AXIN1: variants seen among roughly 807,000 people sequenced by gnomAD.
The protein encoded by AXIN1 is axin-1.
AXIN1 carries 30 observed loss-of-function variants against 76.4 expected under a neutral mutation model. The ratio of observed to expected loss-of-function variants is 0.39; its 90% CI spans 0.29 to 0.53. The LOEUF (loss-of-function observed/expected upper bound fraction) is 0.53. AXIN1 is among the 20% of genes least tolerant of loss of function. The pLI, the probability that AXIN1 is intolerant of heterozygous loss-of-function variation, is 0.66. For synonymous variants in AXIN1, 545 were observed against 501.4 expected (o/e 1.09, Z -1.16); for missense variants, 1,140 against 1,198.8 (o/e 0.95, Z 0.72).
Position 346,184 on chromosome 16 carries a change from G to A in AXIN1, c.842C>T (p.Ser281Phe), listed in dbSNP as rs2141700356. Residue 281 changes from serine (S) to phenylalanine (F), a missense_variant, in exon 2 of 11, where the codon TCC becomes TTC. By Grantham distance (155) the Ser-to-Phe change is radical (BLOSUM62 -2). This residue lies in a region of AXIN1 where 708 missense variants were observed against 776.9 expected (regional missense o/e 0.91). Transcript: ENST00000262320. ...LLLETAAPRVSSSRRYSEGRE... is the reference protein window; with the variant it reads ...LLLETAAPRVFSSRRYSEGRE... ...GCCTTCGCTGTACCGTCTACTGGAG[G>A]AGACCCTCGGGGCAGCTGTCTCCAG... is the stretch of plus-strand genomic sequence containing the variant. 2 of 1,613,920 alleles carry A rather than the reference G, an allele frequency of 1.2e-6. No individual in the cohort carries two copies. Among genetic ancestry groups the A allele is most frequent in the South Asian group, 1.1e-5 (1 of 91,076 alleles).
At chr16:338,206 C>T (rs911024248) in intron 2 of AXIN1, among the ~76,000 whole-genome samples, 3 of 152,176 alleles carry the variant, frequency 2.0e-5, no homozygotes, top group Non-Finnish European at 2.9e-5. Flanking sequence ...GGAGCGTGTG[C>T]GTCAATTCAA....
chr16:305,402 G>A (rs539367997), intron 4 of AXIN1, among the ~76,000 whole-genome samples: 91 of 152,190 alleles, frequency 6.0e-4, no homozygotes, highest in Middle Eastern at 3.4e-3. Context: ...ATAAGTCCTG[G>A]GAGATCAAGG....
In AXIN1 at chr16:288,263, TGAG is replaced by T. The variant is rs756614150; in HGVS notation, c.2463-18_2463-16del. ...TGAAGTAGTATCTGCAGGACGGAGGTGAGGAGGGCAGTGAGCAGGCAGCACCGC... is the reference window on the plus strand; with the variant it reads ...TGAAGTAGTATCTGCAGGACGGAGGTGAGGGCAGTGAGCAGGCAGCACCGC... On this transcript the variant is annotated splice_polypyrimidine_tract_variant and intron_variant, in intron 10 of 10. Transcript: ENST00000262320. 16 of 1,612,942 alleles carry T rather than the reference TGAG, an allele frequency of 9.9e-6. No homozygotes were observed. The highest frequency in any genetic ancestry group is 4.0e-5 in the African/African-American group (3 of 74,816).
At chr16:311,036 T>A (rs990204997) in intron 3 of AXIN1, among the ~76,000 whole-genome samples, 10 of 152,136 alleles carry the variant, frequency 6.6e-5, no homozygotes, top group African/African-American at 2.4e-4. Context: ...GGTTTTCTTT[T>A]ATTTTTTTCT....
chr16:324,817 C>A (rs2053543529), intron 2 of AXIN1, among the ~76,000 whole-genome samples: 1 of 152,172 alleles, frequency 6.6e-6, no homozygotes, highest in African/African-American at 2.4e-5. Context: ...AGGCAGCTTC[C>A]GGCAGCCGCA....
At chr16:320,810 G>A (rs953172498) in intron 2 of AXIN1, among the ~76,000 whole-genome samples, 2 of 54,334 alleles carry the variant, frequency 3.7e-5, no homozygotes, top group African/African-American at 2.2e-4. Context: ...CGCGATCTCG[G>A]CTCACTACAA....
Position 297,712 on chromosome 16 carries a change from G to A in AXIN1, c.1784+10C>T, listed in dbSNP as rs369714853. 2.2e-5 allele frequency: 35 copies of A among 1,592,336 alleles called. No individual in the cohort carries two copies. The highest frequency in any genetic ancestry group is 5.6e-5 in the South Asian group (5 of 89,672). On this transcript the variant is annotated intron_variant, in intron 6 of 10. Transcript: ENST00000262320. Reference sequence around the variant, plus strand: ...CCAAGCCCCCTCCTCACTGACAGGCGCACGCTCACCTGTGGGCGAGGCCAT... The same window carrying A: ...CCAAGCCCCCTCCTCACTGACAGGCACACGCTCACCTGTGGGCGAGGCCAT...
chr16:332,951 A>G (rs1384670799), intron 2 of AXIN1, among the ~76,000 whole-genome samples: 1 of 152,186 alleles, frequency 6.6e-6, no homozygotes, highest in Non-Finnish European at 1.5e-5. Flanking sequence ...CTGAGAGGCC[A>G]AAGTAGGAGG....
chr16:315,832 G>GA (rs922939817), intron 2 of AXIN1, among the ~76,000 whole-genome samples: 2,187 of 72,762 alleles, frequency 0.03, 66 homozygotes, highest in African/African-American at 0.093. Context: ...TGTCTCAAAA[G>GA]AAAAAAAAAA....
intron 4 of AXIN1, among the ~76,000 whole-genome samples, chr16:307,241 T>G (rs900647074): frequency 6.6e-6 from 1 of 152,082 alleles, no homozygotes; most frequent in African/African-American, 2.4e-5. Context: ...GGAGCACTCA[T>G]GCCGCCACGC....
At chr16:336,708 T>C (rs141325696) in intron 2 of AXIN1, among the ~76,000 whole-genome samples, 1,618 of 149,686 alleles carry the variant, frequency 0.011, 13 homozygotes, top group Middle Eastern at 0.066. Context: ...TCCCAGCTAC[T>C]CAGGAAGCTG....
At chr16:298,999 C>T (rs777087034) in intron 5 of AXIN1, 2 of 845,788 alleles carry the variant, frequency 2.4e-6, no homozygotes, top group Non-Finnish European at 2.8e-6. Context: ...GAACTCCTGA[C>T]CTCATGATCC....
intron 2 of AXIN1, among the ~76,000 whole-genome samples, chr16:341,457 G>A (rs1476983975): frequency 5.9e-5 from 9 of 152,254 alleles, no homozygotes; most frequent in Non-Finnish European, 1.0e-4. Context: ...CCGGCCCACC[G>A]GAGCTGCGCT....
intron 2 of AXIN1, among the ~76,000 whole-genome samples, chr16:327,010 C>CA (rs1341301200): frequency 6.7e-6 from 1 of 150,354 alleles, no homozygotes; most frequent in African/African-American, 2.5e-5. Flanking sequence ...GGTGCGGTGG[C>CA]GGGTGCCTGT....
chr16:341,505 C>G, intron 2 of AXIN1, among the ~76,000 whole-genome samples: 2 of 152,384 alleles, frequency 1.3e-5, no homozygotes, highest in Middle Eastern at 3.4e-3. Context: ...TCCTGCAGGG[C>G]AGGGCTCGGG....
At chr16:331,073 T>C (rs931576914) in intron 2 of AXIN1, among the ~76,000 whole-genome samples, 1 of 152,178 alleles carries the variant, frequency 6.6e-6, no homozygotes, top group Non-Finnish European at 1.5e-5. Flanking sequence ...CAGAACCAGG[T>C]TGCCGGCTTA....
Position 352,458 on chromosome 16 carries a change from C to T in AXIN1, c.-171G>A. ...ATGCGCTCAGCGGCAGCGCGGCGGG[C>T]GGGACCCGGCGGGGGCGCGGCCCGG... On this transcript the variant is annotated 5_prime_UTR_variant, in exon 1 of 11. Transcript: ENST00000262320. 1 of 970,542 alleles carries T rather than the reference C, an allele frequency of 1.0e-6. No homozygotes were observed. The highest frequency in any genetic ancestry group is 1.2e-6 in the Non-Finnish European group (1 of 819,834). 60.1% of individuals were successfully genotyped at this position (970,542 alleles called of 1,614,324 possible).
rs139475203 is a variant in AXIN1 at position 335,220 on chromosome 16, T to C, written c.878+10928A>G. ...ACGAAGCTATAAATTCCAAAGCTAA[T>C]GGAATTTCCAAGCAAAGGTGCAAGC... On this transcript the variant is annotated intron_variant, in intron 2 of 10. Transcript: ENST00000262320. Among the ~76,000 whole-genome samples the C allele has an allele frequency of 1.2e-3, 178 of 152,298 alleles. 2 individuals carry two copies. Among genetic ancestry groups the C allele is most frequent in the East Asian group, 0.01 (52 of 5,188 alleles).
rs7206495 is a variant in AXIN1, at chr16:292,928, A to G, written c.2186+560T>C. On this transcript the variant is annotated intron_variant, in intron 8 of 10. Transcript: ENST00000262320. The stretch of plus-strand genomic sequence containing the variant: ...TGGACGTCCCGGATGAGAGAAGGGC[A>G]CAGTGAGGAGGGCTGTGGGCTGGAC... 5.4e-3 allele frequency: 683 copies of G among 127,036 alleles called. 10 individuals carry two copies. Among genetic ancestry groups the G allele is most frequent in the African/African-American group, 0.024 (593 of 24,576 alleles). The allele number at this position is 127,036 out of a possible 1,614,324, so 7.9% of individuals were successfully genotyped here. A position where few individuals can be genotyped will look rare whatever the true frequency, so the allele number is the denominator to read the frequency against.
Sources: allele counts gnomAD v4.1 joint callset (sites outside exome capture counted in the v4.1 genomes callset), GRCh38; gene constraint gnomAD v4.1.1; regional missense constraint gnomAD v4.1.1; transcripts MANE v1.5; gene names NCBI Gene and HGNC (gene_info 2026-07-23, HGNC 2026-07-21).